Variants in PDSS2 observed in about 807,000 individuals in gnomAD.
The protein encoded by PDSS2 is decaprenyl diphosphate synthase subunit 2.
In PDSS2, 31 loss-of-function variants were observed where a neutral mutation model predicts 44.5. That is an observed-to-expected ratio of 0.70 (90% CI 0.52 to 0.94). The LOEUF (loss-of-function observed/expected upper bound fraction) is 0.94. Among genes scored for constraint, PDSS2 ranks in the 40% least tolerant of loss-of-function variants. PDSS2 has a pLI of 0.00. For missense variants in PDSS2, 452 were observed against 482.2 expected, an observed-to-expected ratio of 0.94 and a Z score of 0.59; for synonymous variants, 157 against 180.3, an observed-to-expected ratio of 0.87 and a Z score of 1.03.
At chr6:107,269,333 C>CGT (rs1419152571) in intron 3 of PDSS2, among the ~76,000 whole-genome samples, 191 of 80,286 alleles carry the variant, frequency 2.4e-3, no homozygotes, top group African/African-American at 6.7e-3. Flanking sequence ...AATCTCATTT[C>CGT]GTGTGTCTGT....
intron 1 of PDSS2, among the ~76,000 whole-genome samples, chr6:107,384,635 C>T (rs1243263504): frequency 6.7e-6 from 1 of 149,772 alleles, no homozygotes; most frequent in African/African-American, 2.5e-5. Flanking sequence ...AAGTGAGACT[C>T]TGTCTCAAAA....
intron 7 of PDSS2, among the ~76,000 whole-genome samples, chr6:107,185,373 T>C (rs754539466): frequency 2.0e-5 from 3 of 152,176 alleles, no homozygotes; most frequent in South Asian, 2.1e-4. Flanking sequence ...TTCATATCTA[T>C]ATATCTGAAG....
chr6:107,191,097 T>G (rs1261953997), intron 7 of PDSS2, among the ~76,000 whole-genome samples: 1 of 152,162 alleles, frequency 6.6e-6, no homozygotes, highest in Non-Finnish European at 1.5e-5. Context: ...TTCACCGTGT[T>G]AGCCAGGATG....
intron 1 of PDSS2, among the ~76,000 whole-genome samples, chr6:107,376,159 C>T (rs1779279507): frequency 6.6e-6 from 1 of 152,122 alleles, no homozygotes; most frequent in Admixed American, 6.5e-5. Flanking sequence ...GTTTTGGTTA[C>T]TGTAACCTTG....
rs566141366 is a variant in PDSS2 at position 107,409,947 on chromosome 6, T to C, written c.296+49043A>G. The stretch of plus-strand genomic sequence containing the variant: ...AGGCATCTCTGTGGAAATAACATTC[T>C]ATACAGATCAAAGGATAAGCAAGTT... On this transcript the variant is annotated intron_variant, in intron 1 of 7. Transcript: ENST00000369037. Among the ~76,000 whole-genome samples, 143 of 152,276 alleles carry C rather than the reference T, an allele frequency of 9.4e-4. 4 individuals carry two copies. In the South Asian group the frequency reaches 0.026, roughly 28 times the overall value.
chr6:107,329,367 C>T (rs1339098403), intron 2 of PDSS2, among the ~76,000 whole-genome samples: 1 of 152,122 alleles, frequency 6.6e-6, no homozygotes, highest in Non-Finnish European at 1.5e-5. Flanking sequence ...AGGATATCGC[C>T]CTAATTCCTC....
At chr6:107,350,147 C>G (rs1442980494) in intron 1 of PDSS2, among the ~76,000 whole-genome samples, 1 of 152,206 alleles carries the variant, frequency 6.6e-6, no homozygotes, top group Non-Finnish European at 1.5e-5. Flanking sequence ...CTTCCCACCT[C>G]AATTTCAGTT....
At chr6:107,181,456 C>A (rs1312590087) in intron 7 of PDSS2, among the ~76,000 whole-genome samples, 2 of 149,638 alleles carry the variant, frequency 1.3e-5, no homozygotes, top group African/African-American at 4.9e-5. Context: ...TTGCTTGAAC[C>A]CAGGAGGTGG....
chr6:107,288,917 C>T (rs561859864), intron 2 of PDSS2, among the ~76,000 whole-genome samples: 1 of 150,976 alleles, frequency 6.6e-6, no homozygotes, highest in South Asian at 2.1e-4. Flanking sequence ...CGCCACCAAG[C>T]CCAGCTAATT....
rs536864976 is a variant in PDSS2, at chr6:107,228,403, A to T, written c.703-16121T>A. ...CTACTTTTATTTTTTTAATTAAAAA[A>T]GTTTGCTAGGCCAGGCGCGGCGGCT... On this transcript the variant is annotated intron_variant, in intron 4 of 7. Coordinates refer to ENST00000369037, the MANE Select transcript of PDSS2 (RefSeq NM_020381.4). Among the ~76,000 whole-genome samples the T allele has an allele frequency of 2.6e-4, 39 of 152,246 alleles. No individual in the cohort carries two copies. The East Asian group carries it at 7.3e-3, about 29-fold the overall frequency.
chr6:107,405,332 C>T (rs1343672610), intron 1 of PDSS2, among the ~76,000 whole-genome samples: 2 of 151,520 alleles, frequency 1.3e-5, no homozygotes, highest in African/African-American at 4.9e-5. Context: ...CATAAAAACA[C>T]GTGTAAGTAT....
chr6:107,347,610 G>T (rs577035105), intron 1 of PDSS2, among the ~76,000 whole-genome samples: 6 of 152,270 alleles, frequency 3.9e-5, no homozygotes, highest in South Asian at 2.1e-4. Context: ...GCTTTTCTTC[G>T]TTCTTTTCTG....
chr6:107,208,423 A>C (rs1773081275), intron 6 of PDSS2, among the ~76,000 whole-genome samples: 1 of 149,316 alleles, frequency 6.7e-6, no homozygotes, highest in Non-Finnish European at 1.5e-5. Flanking sequence ...CAGCCACCTG[A>C]GAAGCTGAGA....
At chr6:107,223,214 C>CCA (rs1476419180) in intron 4 of PDSS2, among the ~76,000 whole-genome samples, 3 of 150,954 alleles carry the variant, frequency 2.0e-5, no homozygotes, top group Non-Finnish European at 4.4e-5. Flanking sequence ...TAGGTGTGAA[C>CCA]CACTGCGCTC....
chr6:107,180,521 ATCAT>A (rs1014405445), intron 7 of PDSS2, among the ~76,000 whole-genome samples: 7 of 152,186 alleles, frequency 4.6e-5, no homozygotes, highest in Admixed American at 4.6e-4. Context: ...ATCTTGGGTC[ATCAT>A]TCATTCATTC....
intron 1 of PDSS2, among the ~76,000 whole-genome samples, chr6:107,407,037 A>T (rs9373948): frequency 0.12 from 18,293 of 152,202 alleles, 1,416 homozygotes; most frequent in East Asian, 0.24. Flanking sequence ...TGCAGTCAAA[A>T]GGTTAGGGTT....
At chr6:107,212,683 A>G (rs1773262124) in intron 4 of PDSS2, among the ~76,000 whole-genome samples, 1 of 152,164 alleles carries the variant, frequency 6.6e-6, no homozygotes, top group African/African-American at 2.4e-5. Flanking sequence ...GGCATATGGA[A>G]GGAACTACAT....
At chr6:107,270,738 A>G (rs769633025) in intron 3 of PDSS2, among the ~76,000 whole-genome samples, 1 of 152,192 alleles carries the variant, frequency 6.6e-6, no homozygotes, top group Non-Finnish European at 1.5e-5. Flanking sequence ...TATTTTCTAT[A>G]TTGAACTTTT....
intron 3 of PDSS2, among the ~76,000 whole-genome samples, chr6:107,261,640 G>A (rs1217695724): frequency 6.2e-5 from 9 of 145,888 alleles, no homozygotes; most frequent in East Asian, 4.0e-4. Context: ...ATGCAGTGGC[G>A]CAATCTCAGT....
Sources: allele counts gnomAD v4.1 joint callset (sites outside exome capture counted in the v4.1 genomes callset), GRCh38; gene constraint gnomAD v4.1.1; transcripts MANE v1.5; gene names NCBI Gene and HGNC (gene_info 2026-07-23, HGNC 2026-07-21).